MAP2K5: variants seen among roughly 807,000 people sequenced by gnomAD.
MAP2K5 encodes the protein mitogen-activated protein kinase kinase 5, also known as dual specificity mitogen-activated protein kinase kinase 5.
In MAP2K5, 49 loss-of-function variants were observed where a neutral mutation model predicts 83.1. That is an observed-to-expected ratio of 0.59 (90% CI 0.47 to 0.75). The LOEUF (loss-of-function observed/expected upper bound fraction) is 0.75. MAP2K5 is among the 30% of genes least tolerant of loss of function. The probability of loss-of-function intolerance (pLI) is 0.00; values close to 1 mark genes in which losing one functional copy is unlikely to be tolerated. For synonymous variants in MAP2K5, 202 were observed against 191.8 expected (o/e 1.05, Z -0.44); for missense variants, 457 against 557.5 (o/e 0.82, Z 1.82).
chr15:67,739,257 G>A (rs1459563778), intron 17 of MAP2K5, among the ~76,000 whole-genome samples: 1 of 144,874 alleles, frequency 6.9e-6, no homozygotes, highest in Non-Finnish European at 1.5e-5. Context: ...TCCAGCCTGG[G>A]CAACAGAGTG....
intron 2 of MAP2K5, among the ~76,000 whole-genome samples, chr15:67,551,893 T>C (rs1481871381): frequency 6.8e-6 from 1 of 147,224 alleles, no homozygotes; most frequent in Non-Finnish European, 1.5e-5. Context: ...CGGAAAGATA[T>C]CTGTGAAATA....
intron 13 of MAP2K5, among the ~76,000 whole-genome samples, chr15:67,673,636 T>A (rs960099552): frequency 6.6e-6 from 1 of 152,148 alleles, no homozygotes; most frequent in South Asian, 2.1e-4. Context: ...ATAAAGTGAT[T>A]CTTAAACAAA....
At chr15:67,754,906 A>G (rs1162281661) in intron 19 of MAP2K5, among the ~76,000 whole-genome samples, 1 of 152,162 alleles carries the variant, frequency 6.6e-6, no homozygotes, top group African/African-American at 2.4e-5. Flanking sequence ...TTTTTCTAAG[A>G]CAGTTCTGTT....
chr15:67,784,729 A>C (rs1313365929), intron 21 of MAP2K5, among the ~76,000 whole-genome samples: 3 of 152,222 alleles, frequency 2.0e-5, no homozygotes, highest in Admixed American at 2.0e-4. Context: ...GCAAAAACTG[A>C]GGGCAGAGTG....
chr15:67,543,580 T>A lies in MAP2K5; in HGVS notation c.135+110T>A. The A allele has an allele frequency of 7.7e-7, 1 of 1,301,456 alleles. No individual in the cohort carries two copies. The highest frequency in any genetic ancestry group is 1.3e-5 in the South Asian group (1 of 76,178). 80.6% of individuals were successfully genotyped at this position (1,301,456 alleles called of 1,614,324 possible). A position where few individuals can be genotyped will look rare whatever the true frequency, so the allele number is the denominator to read the frequency against. On this transcript the variant is annotated intron_variant, in intron 1 of 21. Transcript: ENST00000178640. The surrounding 1 kb of genome is among the most constrained non-coding windows in gnomAD (Gnocchi z 4.3). Reference sequence around the variant, plus strand: ...GCCAGTGGCAATGGCTACTGCTGGCTTCCTGTGGAGGCAGTTTTATTGCTT... The same window carrying A: ...GCCAGTGGCAATGGCTACTGCTGGCATCCTGTGGAGGCAGTTTTATTGCTT...
intron 3 of MAP2K5, among the ~76,000 whole-genome samples, chr15:67,580,135 A>T (rs1180506286): frequency 6.6e-6 from 1 of 152,272 alleles, no homozygotes; most frequent in African/African-American, 2.4e-5. Flanking sequence ...TTAGAACTTT[A>T]TTTTTTGTGT....
intron 6 of MAP2K5, among the ~76,000 whole-genome samples, chr15:67,590,446 CCT>C (rs57701485): frequency 3.3e-5 from 1 of 30,554 alleles, no homozygotes; most frequent in African/African-American, 1.2e-4. Flanking sequence ...TCCCTCCCTC[CCT>C]CTCTCTCTCT....
chr15:67,621,385 A>C (rs968543440), intron 8 of MAP2K5, among the ~76,000 whole-genome samples: 1 of 151,656 alleles, frequency 6.6e-6, no homozygotes. Flanking sequence ...GGGACAGGGA[A>C]TAAACCCAAA....
At chr15:67,733,013 G>A (rs2089256687) in intron 17 of MAP2K5, among the ~76,000 whole-genome samples, 1 of 152,146 alleles carries the variant, frequency 6.6e-6, no homozygotes, top group African/African-American at 2.4e-5. Flanking sequence ...TTACATTTGG[G>A]GCTTTGCAAG....
intron 13 of MAP2K5, among the ~76,000 whole-genome samples, chr15:67,691,134 G>T (rs1679694020): frequency 6.6e-6 from 1 of 152,146 alleles, no homozygotes. Flanking sequence ...ATGTGTACTT[G>T]TGGTTTCCAT....
chr15:67,641,481 T>C (rs1235633828), intron 9 of MAP2K5: 3 of 1,000,550 alleles, frequency 3.0e-6, no homozygotes, highest in Non-Finnish European at 3.6e-6. Flanking sequence ...AACGAAGTCA[T>C]CCATGACAGC....
intron 16 of MAP2K5, among the ~76,000 whole-genome samples, chr15:67,713,137 A>ATT (rs112687929): frequency 6.6e-6 from 1 of 151,874 alleles, no homozygotes; most frequent in African/African-American, 2.4e-5. Flanking sequence ...AAAAAAAATC[A>ATT]TTTTTTTTCC....
chr15:67,554,805 C>T (rs959009313), intron 2 of MAP2K5, among the ~76,000 whole-genome samples: 3 of 152,138 alleles, frequency 2.0e-5, no homozygotes, highest in Admixed American at 6.5e-5. Context: ...ATGAGTGGAA[C>T]GTTATGTGTG....
intron 7 of MAP2K5, among the ~76,000 whole-genome samples, chr15:67,596,344 G>T (rs2141019375): frequency 6.6e-6 from 1 of 152,236 alleles, no homozygotes; most frequent in African/African-American, 2.4e-5. Flanking sequence ...AACCCAGGAG[G>T]CAGAGGTTGC....
chr15:67,757,159 A>T lies in MAP2K5; in HGVS notation c.1134+8558A>T, dbSNP rs1253962468. 6.6e-6 allele frequency among the ~76,000 whole-genome samples: 1 copy of T among 152,054 alleles called. No homozygotes were observed. Among genetic ancestry groups the T allele is most frequent in the Non-Finnish European group, 1.5e-5 (1 of 68,024 alleles). ...AATGGCTATACCAATTTACATTCCCATGAACAGTGTATAAGGGTTCCCTTT... is the reference window on the plus strand; with the variant it reads ...AATGGCTATACCAATTTACATTCCCTTGAACAGTGTATAAGGGTTCCCTTT... On this transcript the variant is annotated intron_variant, in intron 19 of 21. Coordinates refer to ENST00000178640, the MANE Select transcript of MAP2K5 (RefSeq NM_145160.3). This position sits in a 1 kb window ranked among gnomAD's most constrained non-coding sequence, Gnocchi z 4.9.
chr15:67,639,094 A>C (rs1215446410), intron 9 of MAP2K5, among the ~76,000 whole-genome samples: 1 of 152,236 alleles, frequency 6.6e-6, no homozygotes, highest in South Asian at 2.1e-4. Flanking sequence ...GAAGACACCA[A>C]AAGCGATTGC....
chr15:67,624,338 CAAAAAAAAA>C (rs755739176), intron 8 of MAP2K5, among the ~76,000 whole-genome samples: 9 of 78,312 alleles, frequency 1.1e-4, no homozygotes, highest in African/African-American at 3.2e-4. Context: ...GACTCCGTCT[CAAAAAAAAA>C]AAAAAAAAAA....
intron 16 of MAP2K5, among the ~76,000 whole-genome samples, chr15:67,713,445 G>T (rs995733187): frequency 1.3e-5 from 2 of 152,162 alleles, no homozygotes; most frequent in African/African-American, 2.4e-5. Context: ...GTATTTAAAA[G>T]GTGGCATGGG....
Position 67,565,784 on chromosome 15 carries a change from A to AT in MAP2K5, c.252+2440dup, listed in dbSNP as rs1194723302. 2.0e-5 allele frequency among the ~76,000 whole-genome samples: 3 copies of AT among 152,070 alleles called. No homozygotes were observed. Among genetic ancestry groups the AT allele is most frequent in the East Asian group, 3.9e-4 (2 of 5,150 alleles). On this transcript the variant is annotated intron_variant, in intron 3 of 21. Coordinates refer to ENST00000178640, the MANE Select transcript of MAP2K5 (RefSeq NM_145160.3). This position sits in a 1 kb window ranked among gnomAD's most constrained non-coding sequence, Gnocchi z 4.1. ...CTCATTGATGAGATAATTTAAAAAA[A>AT]TTTTTTGTAGAGATAGGGTCTTGCT...
Sources: allele counts gnomAD v4.1 joint callset (sites outside exome capture counted in the v4.1 genomes callset), GRCh38; gene constraint gnomAD v4.1.1; non-coding constraint Gnocchi (gnomAD v3.1); transcripts MANE v1.5; gene names NCBI Gene and HGNC (gene_info 2026-07-23, HGNC 2026-07-21).